C11orf65: variants seen among roughly 807,000 people sequenced by gnomAD.
C11orf65 encodes protein MFI.
C11orf65 carries 38 observed loss-of-function variants against 35.3 expected under a neutral mutation model. The ratio of observed to expected loss-of-function variants is 1.08; its 90% CI spans 0.83 to 1.41. C11orf65 has a LOEUF of 1.41. Among genes scored for constraint, C11orf65 ranks in the 40% most tolerant of loss-of-function variants. The pLI, the probability that C11orf65 is intolerant of heterozygous loss-of-function variation, is 0.00. For synonymous variants in C11orf65, 105 were observed against 114.4 expected (o/e 0.92, Z 0.53); for missense variants, 370 against 367.1 (o/e 1.01, Z -0.06).
At chr11:108,409,372 A>AT (rs1208442762) in intron 3 of C11orf65, among the ~76,000 whole-genome samples, 11 of 152,208 alleles carry the variant, frequency 7.2e-5, no homozygotes, top group African/African-American at 2.7e-4. Flanking sequence ...CAGGAATGAA[A>AT]TATGAGAGGT....
At chr11:108,432,461 C>T (rs931624117) in intron 2 of C11orf65, among the ~76,000 whole-genome samples, 5 of 152,128 alleles carry the variant, frequency 3.3e-5, no homozygotes, top group African/African-American at 4.8e-5. Flanking sequence ...ATGGTAACAA[C>T]GACTAATATT....
downstream of C11orf65, among the ~76,000 whole-genome samples, chr11:108,326,500 G>C (rs931245785): frequency 1.3e-5 from 2 of 152,196 alleles, no homozygotes; most frequent in African/African-American, 4.8e-5. Flanking sequence ...AGAAAGGTAT[G>C]TGGGAAATGA....
At chr11:108,386,025 ATACT>A (rs1188923670) in intron 7 of C11orf65, 50 bp from the exon 8 acceptor site, 4 of 1,437,852 alleles carry the variant, frequency 2.8e-6, no homozygotes, top group Non-Finnish European at 2.9e-6. Flanking sequence ...TCATTAGTAC[ATACT>A]TAGACTACTT....
Position 108,405,409 on chromosome 11 carries a change from T to G in C11orf65, c.560+20A>C. The G allele has an allele frequency of 6.2e-7, 1 of 1,606,458 alleles. No homozygotes were observed. Among genetic ancestry groups the G allele is most frequent in the Non-Finnish European group, 8.5e-7 (1 of 1,177,506 alleles). On this transcript the variant is annotated intron_variant, in intron 6 of 8. Transcript: ENST00000393084. The stretch of plus-strand genomic sequence containing the variant: ...CCCAAAATACTACGTATTTCCTTAG[T>G]AAGTGTTTCATCAACTTACATTTGC...
intron 1 of C11orf65, among the ~76,000 whole-genome samples, chr11:108,462,075 T>C (rs1385769131): frequency 6.6e-6 from 1 of 152,192 alleles, no homozygotes; most frequent in African/African-American, 2.4e-5. Context: ...ACAGAGTCTT[T>C]CTCTGTTGCC....
intron 2 of C11orf65, among the ~76,000 whole-genome samples, chr11:108,337,974 T>A (rs2087039040): frequency 6.6e-6 from 1 of 152,234 alleles, no homozygotes; most frequent in Non-Finnish European, 1.5e-5. Flanking sequence ...AAAGCAGAAA[T>A]TACTGAACTT....
At chr11:108,367,659 T>C (rs1483677358) in intron 2 of C11orf65, 3 of 212,684 alleles carry the variant, frequency 1.4e-5, no homozygotes, top group African/African-American at 6.8e-5. Context: ...TTATGAAGAG[T>C]TGGCATTTCT....
chr11:108,308,616 T>C (rs2083876577), exon 7 of C11orf65: 1 of 206,674 alleles, frequency 4.8e-6, no homozygotes, highest in African/African-American at 2.3e-5. Context: ...AGAAATAGTG[T>C]AGTAGGCCTA....
chr11:108,410,900 G>A (rs763659331), intron 3 of C11orf65, among the ~76,000 whole-genome samples: 5 of 151,560 alleles, frequency 3.3e-5, no homozygotes, highest in East Asian at 1.9e-4. Flanking sequence ...TAGTAGAGAC[G>A]GGGTTTCACC....
chr11:108,371,325 C>T (rs560555928), intron 2 of C11orf65, among the ~76,000 whole-genome samples: 5 of 152,272 alleles, frequency 3.3e-5, no homozygotes, highest in Non-Finnish European at 7.4e-5. Flanking sequence ...TGCAACCAAC[C>T]TCCAGCACTT....
At chr11:108,377,747 A>G (rs1045603026) in intron 2 of C11orf65, among the ~76,000 whole-genome samples, 2 of 151,924 alleles carry the variant, frequency 1.3e-5, no homozygotes, top group East Asian at 3.9e-4. Context: ...GTCTCAGCCC[A>G]AAATCTCCTT....
intron 2 of C11orf65, among the ~76,000 whole-genome samples, chr11:108,445,878 A>T (rs1448145675): frequency 3.3e-5 from 5 of 152,192 alleles, no homozygotes; most frequent in South Asian, 4.1e-4. Flanking sequence ...CTTTGAAAAA[A>T]AAATTAGACG....
At chr11:108,394,176 T>C (rs1214351830) in intron 6 of C11orf65, among the ~76,000 whole-genome samples, 1 of 91,922 alleles carries the variant, frequency 1.1e-5, no homozygotes, top group African/African-American at 3.6e-5. Context: ...CAAGACTCCA[T>C]CTCAAAAAAA....
At chr11:108,387,148 C>CTTTCTT (rs2092027571) in intron 7 of C11orf65, among the ~76,000 whole-genome samples, 1 of 84,412 alleles carries the variant, frequency 1.2e-5, no homozygotes, top group South Asian at 4.9e-4. Context: ...TTCTTTCTTT[C>CTTTCTT]TTTTTTTTTT....
At chr11:108,392,510 C>A (rs994471576) in intron 7 of C11orf65, among the ~76,000 whole-genome samples, 1 of 152,156 alleles carries the variant, frequency 6.6e-6, no homozygotes, top group African/African-American at 2.4e-5. Flanking sequence ...ATTTCCCCTT[C>A]TCTTGGGTAT....
intron 2 of C11orf65, among the ~76,000 whole-genome samples, chr11:108,351,855 C>G (rs564320411): frequency 6.6e-6 from 1 of 152,196 alleles, no homozygotes; most frequent in Non-Finnish European, 1.5e-5. Context: ...ACCTGCTAGT[C>G]TATATTTTCT....
chr11:108,308,631 T>A (rs187869779), exon 7 of C11orf65: 14 of 210,056 alleles, frequency 6.7e-5, no homozygotes, highest in Non-Finnish European at 9.7e-6. Flanking sequence ...GGCCTATAAT[T>A]TGAATAGGTA....
intron 3 of C11orf65, among the ~76,000 whole-genome samples, chr11:108,413,254 G>C (rs757279630): frequency 6.6e-6 from 1 of 152,188 alleles, no homozygotes; most frequent in Non-Finnish European, 1.5e-5. Context: ...AGAATGCAGA[G>C]TGGTCAAGTC....
chr11:108,393,091 GT>G lies in C11orf65; in HGVS notation c.731+116del, dbSNP rs900806297. The G allele has an allele frequency of 1.0e-3, 1,032 of 1,022,320 alleles. 1 individual carries two copies. Among genetic ancestry groups the G allele is most frequent in the South Asian group, 1.3e-3 (68 of 51,862 alleles). The allele number at this position is 1,022,320 out of a possible 1,614,324, so 63.3% of individuals were successfully genotyped here. ...TTCTAGACAAATAATAGATACTCGGGTTTTTTTTTTCTTTGAAGATTGTTTG... is the reference window on the plus strand; with the variant it reads ...TTCTAGACAAATAATAGATACTCGGGTTTTTTTTTCTTTGAAGATTGTTTG... On this transcript the variant is annotated intron_variant, in intron 7 of 8. Coordinates refer to ENST00000393084, the MANE Select transcript of C11orf65 (RefSeq NM_152587.5).
Sources: allele counts gnomAD v4.1 joint callset (sites outside exome capture counted in the v4.1 genomes callset), GRCh38; gene constraint gnomAD v4.1.1; transcripts MANE v1.5; gene names NCBI Gene and HGNC (gene_info 2026-07-23, HGNC 2026-07-21).